Variants in GALNTL6 observed in about 807,000 individuals in gnomAD.
The protein encoded by GALNTL6 is polypeptide N-acetylgalactosaminyltransferase like 6, also known as polypeptide N-acetylgalactosaminyltransferase-like 6.
In GALNTL6, 46 loss-of-function variants were observed where a neutral mutation model predicts 73.7. That is an observed-to-expected ratio of 0.62 (90% CI 0.49 to 0.80). GALNTL6 has a LOEUF of 0.80. GALNTL6 is among the 30% of genes least tolerant of loss of function. The probability of loss-of-function intolerance (pLI) is 0.00; values close to 1 mark genes in which losing one functional copy is unlikely to be tolerated. For synonymous variants in GALNTL6, 259 were observed against 263.7 expected, an observed-to-expected ratio of 0.98 and a Z score of 0.17; for missense variants, 604 against 755.0, an observed-to-expected ratio of 0.80 and a Z score of 2.34.
chr4:172,720,944 T>C (rs190354662), intron 5 of GALNTL6, among the ~76,000 whole-genome samples: 1 of 152,242 alleles, frequency 6.6e-6, no homozygotes, highest in Admixed American at 6.5e-5. Context: ...TTGATTCCTC[T>C]TAATAGAATT....
At chr4:172,409,790 C>A (rs1273095857) in intron 5 of GALNTL6, among the ~76,000 whole-genome samples, 2 of 151,940 alleles carry the variant, frequency 1.3e-5, no homozygotes, top group Admixed American at 1.3e-4. Context: ...GACCTGCAGG[C>A]ATCAACATCC....
chr4:172,428,843 G>A (rs562326854), intron 5 of GALNTL6, among the ~76,000 whole-genome samples: 1 of 152,288 alleles, frequency 6.6e-6, no homozygotes, highest in Admixed American at 6.5e-5. Context: ...TAGATCATCA[G>A]CTGTCAGATT....
chr4:171,952,735 C>CCTG (rs1560856316), intron 2 of GALNTL6, among the ~76,000 whole-genome samples: 1 of 151,972 alleles, frequency 6.6e-6, no homozygotes, highest in African/African-American at 2.4e-5. Context: ...ATGGTGAATG[C>CCTG]CTGATCTAAT....
chr4:172,367,740 A>C (rs955316511), intron 5 of GALNTL6, among the ~76,000 whole-genome samples: 2 of 152,208 alleles, frequency 1.3e-5, no homozygotes, highest in Non-Finnish European at 1.5e-5. Context: ...CATTTTGTAC[A>C]TCTACAAATA....
chr4:172,513,811 T>G (rs1240995731), intron 5 of GALNTL6, among the ~76,000 whole-genome samples: 1 of 152,122 alleles, frequency 6.6e-6, no homozygotes, highest in African/African-American at 2.4e-5. Flanking sequence ...CTGTTGGAGG[T>G]AGGAGTGGAG....
intron 2 of GALNTL6, among the ~76,000 whole-genome samples, chr4:171,933,470 T>G (rs1195594326): frequency 1.3e-5 from 2 of 152,154 alleles, no homozygotes; most frequent in Admixed American, 1.3e-4. Flanking sequence ...AATATTGAAA[T>G]TACTCAAGTA....
chr4:172,569,528 A>G (rs992607721), intron 5 of GALNTL6, among the ~76,000 whole-genome samples: 6 of 152,240 alleles, frequency 3.9e-5, no homozygotes, highest in African/African-American at 1.2e-4. Context: ...ATGATGCTTC[A>G]GCAAACCTGT....
chr4:172,021,093 G>C (rs34901634), intron 2 of GALNTL6, among the ~76,000 whole-genome samples: 1 of 151,684 alleles, frequency 6.6e-6, no homozygotes, highest in South Asian at 2.1e-4. Flanking sequence ...GATAAAATTC[G>C]GCATCCCTTC....
At chr4:172,864,159 C>T (rs1744542439) in intron 7 of GALNTL6, among the ~76,000 whole-genome samples, 1 of 152,206 alleles carries the variant, frequency 6.6e-6, no homozygotes, top group African/African-American at 2.4e-5. Context: ...ATTACCCAGT[C>T]TCAGGTATCT....
intron 2 of GALNTL6, among the ~76,000 whole-genome samples, chr4:172,113,840 G>A (rs538773187): frequency 1.3e-5 from 2 of 152,134 alleles, no homozygotes; most frequent in Non-Finnish European, 2.9e-5. Context: ...CCTGTGTGTT[G>A]AGCTTAACTT....
intron 2 of GALNTL6, among the ~76,000 whole-genome samples, chr4:171,927,152 A>G (rs1035947417): frequency 2.0e-5 from 3 of 152,110 alleles, no homozygotes; most frequent in African/African-American, 7.2e-5. Context: ...AAAAGTGTCT[A>G]GTATCTTCAT....
intron 5 of GALNTL6, among the ~76,000 whole-genome samples, chr4:172,611,370 A>G (rs771679449): frequency 1.6e-4 from 24 of 151,756 alleles, no homozygotes; most frequent in Admixed American, 3.3e-4. Flanking sequence ...ATAAGAAAGT[A>G]ATGAATACTC....
At chr4:171,988,002 C>A (rs544497336) in intron 2 of GALNTL6, among the ~76,000 whole-genome samples, 34 of 151,964 alleles carry the variant, frequency 2.2e-4, no homozygotes, top group Non-Finnish European at 2.9e-4. Flanking sequence ...AAAGTATATG[C>A]GTCAGGTATG....
chr4:171,959,835 A>T lies in GALNTL6; in HGVS notation c.138+145117A>T, dbSNP rs117360754. On this transcript the variant is annotated intron_variant, in intron 2 of 12. Transcript: ENST00000506823. Reference sequence around the variant, plus strand: ...AGTGACATGTTTGCCTGAAGCAAATAGAAATAATCTCCCTTTATCCACACT... The same window carrying T: ...AGTGACATGTTTGCCTGAAGCAAATTGAAATAATCTCCCTTTATCCACACT... Among the ~76,000 whole-genome samples the T allele has an allele frequency of 5.1e-3, 782 of 152,350 alleles. 20 individuals carry two copies. The East Asian group carries it at 0.06, about 12-fold the overall frequency.
chr4:172,868,760 G>A (rs1744783336), intron 7 of GALNTL6, among the ~76,000 whole-genome samples: 2 of 152,166 alleles, frequency 1.3e-5, no homozygotes, highest in African/African-American at 4.8e-5. Flanking sequence ...CTTCATCACT[G>A]GTCTAAGCAT....
chr4:172,843,475 C>T (rs1743328617), intron 7 of GALNTL6, among the ~76,000 whole-genome samples: 1 of 152,204 alleles, frequency 6.6e-6, no homozygotes, highest in Non-Finnish European at 1.5e-5. Flanking sequence ...AGCTGACAGC[C>T]TCCTGCACTG....
intron 2 of GALNTL6, among the ~76,000 whole-genome samples, chr4:172,207,560 A>G (rs1004790313): frequency 2.0e-5 from 3 of 151,806 alleles, no homozygotes; most frequent in Non-Finnish European, 4.4e-5. Flanking sequence ...TTCTAAATAA[A>G]CCCTTTGTCA....
At chr4:172,290,737 A>G (rs1464714389) in intron 3 of GALNTL6, among the ~76,000 whole-genome samples, 1 of 151,884 alleles carries the variant, frequency 6.6e-6, no homozygotes, top group East Asian at 1.9e-4. Context: ...ATGATATAAA[A>G]TATTTATCAT....
chr4:172,632,889 G>A (rs1025622985), intron 5 of GALNTL6, among the ~76,000 whole-genome samples: 2 of 152,200 alleles, frequency 1.3e-5, no homozygotes, highest in Non-Finnish European at 2.9e-5. Flanking sequence ...TAAAAGGGGC[G>A]AACATACAGC....
Sources: gnomAD v4.1 joint callset for allele counts (sites outside exome capture counted in the v4.1 genomes callset) on GRCh38, gnomAD v4.1.1 for gene constraint, MANE v1.5 for transcripts, NCBI Gene and HGNC (gene_info 2026-07-23, HGNC 2026-07-21) for gene names.